POLR1B: variants seen among roughly 807,000 people sequenced by gnomAD.
POLR1B encodes RNA polymerase I subunit B.
A neutral mutation model predicts 105.8 loss-of-function variants in POLR1B; 30 were observed. The ratio of observed to expected loss-of-function variants is 0.28; its 90% confidence interval spans 0.21 to 0.38. The LOEUF (loss-of-function observed/expected upper bound fraction) is 0.38, where lower values mean the gene tolerates loss of function less well. Among genes scored for constraint, POLR1B ranks in the 10% least tolerant of loss-of-function variants. POLR1B has a pLI of 1.00. For missense variants in POLR1B, 976 were observed against 1,435.8 expected, an observed-to-expected ratio of 0.68 and a Z score of 5.17; for synonymous variants, 485 against 505.1, an observed-to-expected ratio of 0.96 and a Z score of 0.53.
chr2:112,578,584 A>C lies in POLR1B; in HGVS notation c.*2855A>C, dbSNP rs1000019390. 6.6e-6 allele frequency among the ~76,000 whole-genome samples: 1 copy of C among 152,146 alleles called. No individual in the cohort carries two copies. On this transcript the variant is annotated 3_prime_UTR_variant, in exon 15 of 15. Coordinates refer to ENST00000263331, the MANE Select transcript of POLR1B (RefSeq NM_019014.6). The stretch of plus-strand genomic sequence containing the variant: ...ATTTATAGTTTAACCATTCACCTTG[A>C]ACATTTTGGTTGTTTCCAGTTTGGG...
rs1221709354 is a variant in POLR1B, at chr2:112,577,965, CTGT to C, written c.*2238_*2240del. On this transcript the variant is annotated 3_prime_UTR_variant, in exon 15 of 15. Coordinates refer to ENST00000263331, the MANE Select transcript of POLR1B (RefSeq NM_019014.6). ...TTCTACTGACTGACGTTTCCCCCTG[CTGT>C]TAAGAATCCCAACCACACACTTTCA... Among the ~76,000 whole-genome samples the C allele has an allele frequency of 1.3e-5, 2 of 152,146 alleles. No homozygotes were observed. The highest frequency in any genetic ancestry group is 4.8e-5 in the African/African-American group (2 of 41,432).
chr2:112,568,707 G>T (rs755816458), intron 11 of POLR1B, 39 bp from the exon 12 acceptor site: 1 of 1,604,264 alleles, frequency 6.2e-7, no homozygotes, highest in Non-Finnish European at 8.5e-7. Flanking sequence ...TGTGTAACCA[G>T]TTGCAGTTAT....
rs751721381 is a variant in POLR1B, at chr2:112,559,564, G to A, written c.1602G>A (p.Leu534=). The part of the protein sequence containing the change: ...FVYTASIPAL[L]CNLGVTPIDG... ...ATACGGCATCTATTCCAGCTTTACTGTGCAACTTGGGTATGTAGTGTACAG... is the reference window on the plus strand; with the variant it reads ...ATACGGCATCTATTCCAGCTTTACTATGCAACTTGGGTATGTAGTGTACAG... The change falls in exon 9 of 15, where the codon CTG becomes CTA. Residue 534 remains leucine (L), a synonymous_variant. Transcript: ENST00000263331. 21 of 1,613,946 alleles carry A rather than the reference G, an allele frequency of 1.3e-5. No homozygotes were observed. Among genetic ancestry groups the A allele is most frequent in the Admixed American group, 5.0e-5 (3 of 60,004 alleles).
intron 10 of POLR1B, among the ~76,000 whole-genome samples, chr2:112,565,883 C>G (rs1468416450): frequency 6.6e-6 from 1 of 152,172 alleles, no homozygotes; most frequent in African/African-American, 2.4e-5. Context: ...CTGGCTTGGT[C>G]TTTCTGGTGA....
chr2:112,546,365 A>G (rs1460724472), intron 1 of POLR1B, among the ~76,000 whole-genome samples: 1 of 152,166 alleles, frequency 6.6e-6, no homozygotes, highest in Non-Finnish European at 1.5e-5. Context: ...CTATGCACAT[A>G]GACAAGTTAA....
At position 112,575,945 on chromosome 2, in the gene POLR1B, A is replaced by G. The variant is rs1374914802; in HGVS notation, c.*216A>G. On this transcript the variant is annotated 3_prime_UTR_variant, in exon 15 of 15. Coordinates refer to ENST00000263331, the MANE Select transcript of POLR1B (RefSeq NM_019014.6). The surrounding 1 kb of genome is among the most constrained non-coding windows in gnomAD (Gnocchi z 5.3). ...TCTGTTATCTTTGTTCAAAAAGTTC[A>G]TGTCTTCTCAAAATATGAAATATTG... 3.6e-6 allele frequency: 2 copies of G among 553,140 alleles called. No individual in the cohort carries two copies. Among genetic ancestry groups the G allele is most frequent in the South Asian group, 2.2e-5 (1 of 45,204 alleles). 34.3% of individuals were successfully genotyped at this position (553,140 alleles called of 1,614,324 possible).
chr2:112,542,301 T>G, upstream of POLR1B: 3 of 1,528,098 alleles, frequency 2.0e-6, no homozygotes, highest in Non-Finnish European at 2.6e-6. Context: ...AATCGGCCCG[T>G]TCACTCGACG....
intron 12 of POLR1B, among the ~76,000 whole-genome samples, chr2:112,571,586 GT>G (rs1181369433): frequency 6.6e-6 from 1 of 152,134 alleles, no homozygotes; most frequent in East Asian, 1.9e-4. Context: ...GCTGTGATCT[GT>G]CCCATGCATG....
intron 6 of POLR1B, 24 bp downstream of exon 6, chr2:112,552,022 T>G: frequency 6.3e-7 from 1 of 1,589,006 alleles, no homozygotes; most frequent in Non-Finnish European, 8.6e-7. Context: ...GTCTAAACTG[T>G]TTTTGGAGGG....
chr2:112,572,440 C>A lies in POLR1B; in HGVS notation c.2075-122C>A, dbSNP rs1320908557. ...TATTAGTCTAAAGTAAGCATAACTA[C>A]CATGACTATTTATTTGTTCATTTTC... On this transcript the variant is annotated intron_variant, in intron 12 of 14. Transcript: ENST00000263331. 19 of 685,066 alleles carry A rather than the reference C, an allele frequency of 2.8e-5. 1 individual carries two copies. The South Asian group carries it at 4.7e-4, about 17-fold the overall frequency. 42.4% of individuals were successfully genotyped at this position (685,066 alleles called of 1,614,324 possible). A position where few individuals can be genotyped will look rare whatever the true frequency, so the allele number is the denominator to read the frequency against.
rs564275293 is a variant in POLR1B, at chr2:112,564,028, T to C, written c.1613-338T>C. Among the ~76,000 whole-genome samples, 19 of 152,302 alleles carry C rather than the reference T, an allele frequency of 1.2e-4. No individual in the cohort carries two copies. The South Asian group carries it at 3.3e-3, about 27-fold the overall frequency. ...ACTTCTAATTCTAGTGGTCTTGCTA[T>C]TTCTACCACATCTACAAGTCCAGTA... On this transcript the variant is annotated intron_variant, in intron 9 of 14. Transcript: ENST00000263331.
Position 112,547,637 on chromosome 2 carries a change from G to A in POLR1B, c.492+70G>A. On this transcript the variant is annotated intron_variant, in intron 3 of 14. Transcript: ENST00000263331. ...TTGGGAGTAAGAAGACAAGAAGTGTGTCAGTGTTTTCTTTCTGTGCTCCAA... is the reference window on the plus strand; with the variant it reads ...TTGGGAGTAAGAAGACAAGAAGTGTATCAGTGTTTTCTTTCTGTGCTCCAA... 2 of 1,513,812 alleles carry A rather than the reference G, an allele frequency of 1.3e-6. 1 individual carries two copies. Among genetic ancestry groups the A allele is most frequent in the South Asian group, 2.5e-5 (2 of 81,098 alleles). The allele number at this position is 1,513,812 out of a possible 1,614,324, so 93.8% of individuals were successfully genotyped here. A position where few individuals can be genotyped will look rare whatever the true frequency, so the allele number is the denominator to read the frequency against.
chr2:112,545,315 G>A (rs911552718), intron 1 of POLR1B, among the ~76,000 whole-genome samples: 2 of 152,120 alleles, frequency 1.3e-5, no homozygotes, highest in African/African-American at 4.8e-5. Context: ...GCAAGGTTGT[G>A]TATTGATCAG....
intron 3 of POLR1B, among the ~76,000 whole-genome samples, chr2:112,548,891 C>T (rs1405354508): frequency 6.6e-6 from 1 of 152,156 alleles, no homozygotes; most frequent in Non-Finnish European, 1.5e-5. Context: ...TGATTACAGG[C>T]GTGAGCCACC....
intron 7 of POLR1B, 102 bp from the exon 8 acceptor site, chr2:112,557,808 A>G: frequency 1.8e-6 from 1 of 560,502 alleles, no homozygotes; most frequent in Non-Finnish European, 2.5e-6. Context: ...CTCATGTTGA[A>G]CTCTTGGTCT....
chr2:112,547,524 A>C lies in POLR1B; in HGVS notation c.449A>C (p.Asn150Thr). Residue 150 changes from asparagine (N) to threonine (T), a missense_variant, in exon 3 of 15, where the codon AAC becomes ACC. Physicochemically the swap from Asn to Thr is moderately conservative, Grantham distance 65. Around this residue, in one of 12 missense-constraint regions of POLR1B, gnomAD observed 452 missense variants for 616.5 expected, o/e 0.73. Coordinates refer to ENST00000263331, the MANE Select transcript of POLR1B (RefSeq NM_019014.6). ...AAATCCAAGCTTTGCAACTTACGTAACCTTCCCCCACAAGCCCTCATTGAG... is the reference window on the plus strand; with the variant it reads ...AAATCCAAGCTTTGCAACTTACGTACCCTTCCCCCACAAGCCCTCATTGAG... ...MVKSKLCNLRNLPPQALIEHH... is the reference protein window; with the variant it reads ...MVKSKLCNLRTLPPQALIEHH... 3.7e-6 allele frequency: 6 copies of C among 1,614,118 alleles called. No homozygotes were observed. Among genetic ancestry groups the C allele is most frequent in the Non-Finnish European group, 5.1e-6 (6 of 1,180,010 alleles).
chr2:112,553,207 C>G (rs1683462628), intron 7 of POLR1B, among the ~76,000 whole-genome samples: 1 of 152,136 alleles, frequency 6.6e-6, no homozygotes, highest in African/African-American at 2.4e-5. Context: ...ATGAGCAGAG[C>G]AGTGAAGAAT....
chr2:112,575,241 T>C lies in POLR1B; in HGVS notation c.2920T>C (p.Tyr974His). Residue 974 changes from tyrosine (Y) to histidine (H), a missense_variant, in exon 15 of 15, where the codon TAT becomes CAT. Transcript: ENST00000263331. This position sits in a 1 kb window ranked among gnomAD's most constrained non-coding sequence, Gnocchi z 5.3. Reference protein sequence around the residue: ...EMLKAAGYNFYGTERLYSGIS... With the variant: ...EMLKAAGYNFHGTERLYSGIS... ...GTTAAAGGCTGCTGGCTACAATTTC[T>C]ATGGCACCGAGAGGTTATATAGTGG... The C allele has an allele frequency of 1.2e-6, 2 of 1,614,180 alleles. No individual in the cohort carries two copies. The highest frequency in any genetic ancestry group is 1.7e-6 in the Non-Finnish European group (2 of 1,180,026).
intron 5 of POLR1B, among the ~76,000 whole-genome samples, 169 bp downstream of exon 5, chr2:112,551,171 C>T (rs1360541846): frequency 1.3e-5 from 2 of 152,238 alleles, no homozygotes; most frequent in Non-Finnish European, 2.9e-5. Flanking sequence ...ACATTTCTGT[C>T]TCACAGTTTC....
Sources: gnomAD v4.1 joint callset for allele counts (sites outside exome capture counted in the v4.1 genomes callset) on GRCh38, gnomAD v4.1.1 for gene constraint, gnomAD v4.1.1 regional missense constraint, Gnocchi (gnomAD v3.1) non-coding constraint, MANE v1.5 for transcripts, NCBI Gene and HGNC (gene_info 2026-07-23, HGNC 2026-07-21) for gene names.